HERC1: variants seen among roughly 807,000 people sequenced by gnomAD.
The protein encoded by HERC1 is probable E3 ubiquitin-protein ligase HERC1.
A neutral mutation model predicts 554.3 loss-of-function variants in HERC1; 160 were observed. The ratio of observed to expected loss-of-function variants is 0.29; its 90% confidence interval spans 0.25 to 0.33. HERC1 has a LOEUF of 0.33. HERC1 is among the 10% of genes least tolerant of loss of function. The pLI is 1.00. For missense variants in HERC1, 4,919 were observed against 5,918.5 expected, an observed-to-expected ratio of 0.83 and a Z score of 5.54; for synonymous variants, 2,175 against 2,131.7, an observed-to-expected ratio of 1.02 and a Z score of -0.56.
intron 1 of HERC1, among the ~76,000 whole-genome samples, chr15:63,786,766 G>C (rs902656050): frequency 6.6e-6 from 1 of 152,270 alleles, no homozygotes; most frequent in East Asian, 1.9e-4. Flanking sequence ...AGGGAAAATG[G>C]AGAAACTGGT....
At chr15:63,781,029 G>T (rs2076273324) in intron 1 of HERC1, among the ~76,000 whole-genome samples, 1 of 152,090 alleles carries the variant, frequency 6.6e-6, no homozygotes, top group Non-Finnish European at 1.5e-5. Flanking sequence ...GTAGGGTAAT[G>T]ATATAACAAA....
rs1008327283 is a variant in HERC1, at chr15:63,798,155, C to T, written c.-26-22506G>A. 3.9e-5 allele frequency among the ~76,000 whole-genome samples: 6 copies of T among 152,268 alleles called. 1 individual carries two copies. The East Asian group carries it at 1.2e-3, about 29-fold the overall frequency. The stretch of plus-strand genomic sequence containing the variant: ...TCTCCCTTCAACCCCAGAATCAGTG[C>T]TTTAGGATAAAATTTAACTGAAAAT... On this transcript the variant is annotated intron_variant, in intron 1 of 77. Coordinates refer to ENST00000443617, the MANE Select transcript of HERC1 (RefSeq NM_003922.4).
At chr15:63,809,722 T>C (rs1344687862) in intron 1 of HERC1, among the ~76,000 whole-genome samples, 1 of 151,862 alleles carries the variant, frequency 6.6e-6, no homozygotes, top group Non-Finnish European at 1.5e-5. Context: ...AGTGTAGTTT[T>C]AATCAAGAAA....
In HERC1 at chr15:63,608,818, A is replaced by T; in HGVS notation, c.*263T>A. Reference sequence around the variant, plus strand: ...ACTAAAAATGCACCAAAATGGTTTCATGCAAACTTATCAAAAGTGACCAAA... The same window carrying T: ...ACTAAAAATGCACCAAAATGGTTTCTTGCAAACTTATCAAAAGTGACCAAA... On this transcript the variant is annotated 3_prime_UTR_variant, in exon 78 of 78. Transcript: ENST00000443617. 1 of 308,072 alleles carries T rather than the reference A, an allele frequency of 3.2e-6. No homozygotes were observed. The highest frequency in any genetic ancestry group is 6.0e-6 in the Non-Finnish European group (1 of 166,780). The allele number at this position is 308,072 out of a possible 1,614,324, so 19.1% of individuals were successfully genotyped here. A position where few individuals can be genotyped will look rare whatever the true frequency, so the allele number is the denominator to read the frequency against.
intron 16 of HERC1, among the ~76,000 whole-genome samples, chr15:63,728,939 T>TAAAA (rs375000040): frequency 1.4e-4 from 20 of 145,132 alleles, no homozygotes; most frequent in Middle Eastern, 3.6e-3. Context: ...GAGCAGGTTT[T>TAAAA]AAAAAAAAAA....
At chr15:63,657,904 T>C (rs931271595) in intron 48 of HERC1, among the ~76,000 whole-genome samples, 10 of 152,234 alleles carry the variant, frequency 6.6e-5, no homozygotes, top group Non-Finnish European at 1.5e-4. Context: ...TCTATTGCTC[T>C]ACAGTGTGAA....
At chr15:63,769,155 C>G (rs145989988) in intron 2 of HERC1, among the ~76,000 whole-genome samples, 12 of 152,194 alleles carry the variant, frequency 7.9e-5, no homozygotes, top group Non-Finnish European at 1.5e-4. Context: ...CAGTGGTTCA[C>G]GCCTGTAATC....
chr15:63,747,386 G>A (rs2075094244), intron 11 of HERC1, among the ~76,000 whole-genome samples: 1 of 152,014 alleles, frequency 6.6e-6, no homozygotes, highest in South Asian at 2.1e-4. Context: ...CTTGAACCTG[G>A]GAGGCAGAGG....
Position 63,694,108 on chromosome 15 carries a change from G to A in HERC1, c.5530C>T (p.Leu1844=). Residue 1844 remains leucine, a synonymous_variant, in exon 30 of 78, where the codon CTA becomes TTA. Transcript: ENST00000443617. The surrounding 1 kb of genome is among the most constrained non-coding windows in gnomAD (Gnocchi z 4.3). ...SPKVVQSLLD[L]LCSQLKNLLS... is the part of the protein sequence containing the mutation. Reference sequence around the variant, plus strand: ...AAATTCTTCAACTGACTACAGAGTAGATCCAACAAGGATTGAACTACTTTG... The same window carrying A: ...AAATTCTTCAACTGACTACAGAGTAAATCCAACAAGGATTGAACTACTTTG... 6.2e-7 allele frequency: 1 copy of A among 1,610,370 alleles called. No homozygotes were observed. The highest frequency in any genetic ancestry group is 8.5e-7 in the Non-Finnish European group (1 of 1,178,234).
At chr15:63,825,116 C>T (rs1258324805) in intron 1 of HERC1, among the ~76,000 whole-genome samples, 1 of 152,098 alleles carries the variant, frequency 6.6e-6, no homozygotes, top group Non-Finnish European at 1.5e-5. Context: ...CGAGAGCAGT[C>T]TGGCCAACTT....
intron 12 of HERC1, among the ~76,000 whole-genome samples, chr15:63,741,059 T>C (rs796616027): frequency 1.3e-5 from 2 of 152,258 alleles, no homozygotes; most frequent in African/African-American, 4.8e-5. Context: ...GACGGACTCT[T>C]GCCCTGTCGC....
chr15:63,808,731 T>C lies in HERC1; in HGVS notation c.-27+25096A>G, dbSNP rs1218626360. ...AGAAATGTCAGCACACACAAATACC[T>C]TAATTTGCAGCTGACCAGTGGCCAC... On this transcript the variant is annotated intron_variant, in intron 1 of 77. Transcript: ENST00000443617. Among the ~76,000 whole-genome samples the C allele has an allele frequency of 2.0e-5, 3 of 152,206 alleles. No homozygotes were observed. The East Asian group carries it at 5.8e-4, about 29-fold the overall frequency.
In HERC1 at chr15:63,706,757, A is replaced by G. The variant is rs775387485; in HGVS notation, c.4636+23T>C. 3.9e-5 allele frequency: 55 copies of G among 1,411,754 alleles called. 1 individual carries two copies. The highest frequency in any genetic ancestry group is 3.6e-4 in the Middle Eastern group (2 of 5,554). The allele number at this position is 1,411,754 out of a possible 1,614,324, so 87.5% of individuals were successfully genotyped here. Reference sequence around the variant, plus strand: ...ACAGGGTCTCACTAAGATATTTACTATGTTCTTAATACTTACACTTACCTC... The same window carrying G: ...ACAGGGTCTCACTAAGATATTTACTGTGTTCTTAATACTTACACTTACCTC... On this transcript the variant is annotated intron_variant, in intron 25 of 77. Transcript: ENST00000443617.
intron 10 of HERC1, among the ~76,000 whole-genome samples, chr15:63,748,094 T>G (rs2075120788): frequency 6.6e-6 from 1 of 151,836 alleles, no homozygotes. Context: ...GGCATGGTGG[T>G]ATATGCCTGT....
intron 31 of HERC1, among the ~76,000 whole-genome samples, chr15:63,691,101 T>G (rs1157595070): frequency 2.0e-5 from 3 of 152,176 alleles, no homozygotes; most frequent in African/African-American, 7.2e-5. Flanking sequence ...ATTGCCTCTC[T>G]CCGTCCATGC....
intron 39 of HERC1, among the ~76,000 whole-genome samples, chr15:63,671,155 A>G (rs2070895407): frequency 6.7e-6 from 1 of 150,114 alleles, no homozygotes; most frequent in South Asian, 2.1e-4. Flanking sequence ...GTGAGCCCAG[A>G]TCGCACCACT....
chr15:63,719,555 T>C (rs992351843), intron 19 of HERC1, among the ~76,000 whole-genome samples: 1 of 152,250 alleles, frequency 6.6e-6, no homozygotes, highest in African/African-American at 2.4e-5. Flanking sequence ...CTGAGATGTA[T>C]TTTTGAAAGC....
chr15:63,704,533 A>G (rs1236673064), intron 25 of HERC1, among the ~76,000 whole-genome samples: 1 of 152,208 alleles, frequency 6.6e-6, no homozygotes, highest in Non-Finnish European at 1.5e-5. Context: ...CAAATGATAT[A>G]CATTTATTAA....
chr15:63,804,064 G>C (rs963598657), intron 1 of HERC1, among the ~76,000 whole-genome samples: 1 of 152,092 alleles, frequency 6.6e-6, no homozygotes, highest in Non-Finnish European at 1.5e-5. Flanking sequence ...AAAGGTGCTG[G>C]ACCAACTGAA....
Sources: allele counts gnomAD v4.1 joint callset (sites outside exome capture counted in the v4.1 genomes callset), GRCh38; gene constraint gnomAD v4.1.1; non-coding constraint Gnocchi (gnomAD v3.1); transcripts MANE v1.5; gene names NCBI Gene and HGNC (gene_info 2026-07-23, HGNC 2026-07-21).